The following PSD3 variants were observed in gnomAD, a reference collection of about 807,000 sequenced individuals.
PSD3 encodes the protein pleckstrin and Sec7 domain containing 3, also known as PH and SEC7 domain-containing protein 3.
In PSD3, 49 loss-of-function variants were observed where a neutral mutation model predicts 105.5. The observed-to-expected ratio is 0.46, with a 90% CI of 0.37 to 0.59. The LOEUF is 0.59. Ranked by LOEUF, PSD3 falls within the 20% of genes least tolerant of loss-of-function variation. The pLI is 0.00. For synonymous variants in PSD3, 557 were observed against 457.8 expected, an observed-to-expected ratio of 1.22 and a Z score of -2.77; for missense variants, 1,561 against 1,263.8, an observed-to-expected ratio of 1.24 and a Z score of -3.57.
At chr8:19,035,302 CTATT>C (rs1347390265) in intron 1 of PSD3, among the ~76,000 whole-genome samples, 5 of 152,104 alleles carry the variant, frequency 3.3e-5, no homozygotes, top group African/African-American at 1.2e-4. Context: ...CTGTGTATCT[CTATT>C]TACTGCCATG....
chr8:19,084,561 A>G (rs1338138025), exon 1 of PSD3: 2 of 379,598 alleles, frequency 5.3e-6, no homozygotes, highest in East Asian at 1.5e-4. Flanking sequence ...CCTCCATGCC[A>G]GGGGCTGTAG....
chr8:18,930,601 C>T (rs1258989093), intron 2 of PSD3, among the ~76,000 whole-genome samples: 5 of 145,310 alleles, frequency 3.4e-5, no homozygotes, highest in Admixed American at 7.0e-5. Context: ...GATGGAGTCT[C>T]GCTCTGTTGC....
intron 4 of PSD3, among the ~76,000 whole-genome samples, chr8:18,813,422 AACT>A (rs1811884957): frequency 6.6e-6 from 1 of 152,194 alleles, no homozygotes; most frequent in Non-Finnish European, 1.5e-5. Flanking sequence ...AGTAGATGTG[AACT>A]AGTCACCCTT....
chr8:18,573,902 C>T (rs1206331524), intron 13 of PSD3, among the ~76,000 whole-genome samples: 1 of 152,064 alleles, frequency 6.6e-6, no homozygotes, highest in East Asian at 1.9e-4. Context: ...CTAAAAAAAT[C>T]ACTGAAATGT....
intron 13 of PSD3, among the ~76,000 whole-genome samples, chr8:18,572,940 A>G (rs1039878429): frequency 6.6e-6 from 1 of 152,222 alleles, no homozygotes; most frequent in Non-Finnish European, 1.5e-5. Context: ...AATATTGATT[A>G]AACCCCTACT....
intron 8 of PSD3, among the ~76,000 whole-genome samples, chr8:18,782,655 G>A (rs1808753469): frequency 6.6e-6 from 1 of 152,220 alleles, no homozygotes; most frequent in Non-Finnish European, 1.5e-5. Flanking sequence ...CAAGTGGATT[G>A]TCTGTGTGCT....
rs76926176 is a variant in PSD3, at chr8:18,923,842, A to G, written c.130+12192T>C. ...CAAAGCTGATTTGATCCTACTCTCA[A>G]AAAAGTCAAATCCTGCTCCTCAGCT... On this transcript the variant is annotated intron_variant, in intron 2 of 15. Transcript: ENST00000327040. Among the ~76,000 whole-genome samples, 656 of 151,562 alleles carry G rather than the reference A, an allele frequency of 4.3e-3. 30 individuals carry two copies. In the East Asian group the frequency reaches 0.089, roughly 21 times the overall value.
intron 9 of PSD3, among the ~76,000 whole-genome samples, chr8:18,656,659 C>G (rs1808917553): frequency 6.6e-6 from 1 of 152,194 alleles, no homozygotes; most frequent in South Asian, 2.1e-4. Context: ...TCTCCCAGCT[C>G]TAGCATTACA....
intron 11 of PSD3, among the ~76,000 whole-genome samples, chr8:18,621,591 T>C (rs1393594946): frequency 1.3e-5 from 2 of 152,196 alleles, no homozygotes; most frequent in Non-Finnish European, 2.9e-5. Context: ...AAACAGCCAA[T>C]ATTCCATTAA....
rs377449153 is a variant in PSD3, at chr8:18,619,197, G to T, written c.2410+13416C>A. 2.7e-4 allele frequency among the ~76,000 whole-genome samples: 41 copies of T among 152,204 alleles called. 1 individual carries two copies. In the South Asian group the frequency reaches 7.1e-3, roughly 26 times the overall value. The stretch of plus-strand genomic sequence containing the variant: ...CCAAAAGAAACCTAAAAAACTGAAT[G>T]CCTGCCACGATGGGATGGAAGTTCA... On this transcript the variant is annotated intron_variant, in intron 11 of 15. Coordinates refer to ENST00000327040, the MANE Select transcript of PSD3 (RefSeq NM_015310.4).
intron 4 of PSD3, among the ~76,000 whole-genome samples, chr8:18,866,248 C>A (rs1266790841): frequency 6.6e-6 from 1 of 152,220 alleles, no homozygotes; most frequent in Non-Finnish European, 1.5e-5. Flanking sequence ...CTGAGGAGCA[C>A]CGCCTCACGG....
At chr8:18,970,776 G>A (rs1033684064) in intron 1 of PSD3, among the ~76,000 whole-genome samples, 2 of 152,044 alleles carry the variant, frequency 1.3e-5, no homozygotes, top group African/African-American at 4.8e-5. Flanking sequence ...CCAACATGGT[G>A]AAACCCTGTC....
chr8:18,546,806 C>T (rs1424883672), intron 15 of PSD3, among the ~76,000 whole-genome samples: 1 of 152,184 alleles, frequency 6.6e-6, no homozygotes, highest in East Asian at 1.9e-4. Flanking sequence ...CCCACCTCAA[C>T]CCCTGATGAC....
chr8:18,801,697 G>C (rs536942989), intron 6 of PSD3, among the ~76,000 whole-genome samples: 2 of 152,134 alleles, frequency 1.3e-5, no homozygotes, highest in African/African-American at 2.4e-5. Context: ...GGGCATGGTG[G>C]TGGGCGCCTG....
intron 15 of PSD3, among the ~76,000 whole-genome samples, chr8:18,551,493 GT>G (rs1800765188): frequency 1.3e-5 from 2 of 152,074 alleles, no homozygotes; most frequent in Admixed American, 1.3e-4. Context: ...TCAGAAAAAG[GT>G]GCATCATGCT....
Position 18,613,131 on chromosome 8 carries a change from C to T in PSD3, c.2411-12697G>A, listed in dbSNP as rs1436942704. On this transcript the variant is annotated intron_variant, in intron 11 of 15. Transcript: ENST00000327040. ...TTTTTTTCAGGAAAAATATAAACAC[C>T]AGTGATAGAGACAGGAGGCAGCCAA... Among the ~76,000 whole-genome samples, 4 of 152,032 alleles carry T rather than the reference C, an allele frequency of 2.6e-5. No homozygotes were observed. In the South Asian group the frequency reaches 8.3e-4, roughly 32 times the overall value.
intron 1 of PSD3, among the ~76,000 whole-genome samples, chr8:19,040,725 G>C (rs1828094016): frequency 6.6e-6 from 1 of 152,160 alleles, no homozygotes; most frequent in African/African-American, 2.4e-5. Flanking sequence ...GAATATATTG[G>C]TGCAAGTGAT....
chr8:19,029,223 C>T (rs1474551927), intron 1 of PSD3, among the ~76,000 whole-genome samples: 1 of 152,144 alleles, frequency 6.6e-6, no homozygotes, highest in African/African-American at 2.4e-5. Flanking sequence ...ATTGGGATGG[C>T]ACTGAATCTG....
In PSD3 at chr8:19,021,154, A is replaced by G. The variant is rs571542437; in HGVS notation, c.324+63052T>C. Among the ~76,000 whole-genome samples, 12 of 152,352 alleles carry G rather than the reference A, an allele frequency of 7.9e-5. No individual in the cohort carries two copies. In the East Asian group the frequency reaches 1.9e-3, roughly 24 times the overall value. Reference sequence around the variant, plus strand: ...GAGTAAGAACATGCAGAGGAATCTGAAACGAGCAGTCAGTGAAGTAGGAGG... The same window carrying G: ...GAGTAAGAACATGCAGAGGAATCTGGAACGAGCAGTCAGTGAAGTAGGAGG... On this transcript the variant is annotated intron_variant, in intron 1 of 1. Coordinates refer to the PSD3 transcript ENST00000521475.
Sources: gnomAD v4.1 joint callset for allele counts (sites outside exome capture counted in the v4.1 genomes callset) on GRCh38, gnomAD v4.1.1 for gene constraint, MANE v1.5 for transcripts, NCBI Gene and HGNC (gene_info 2026-07-23, HGNC 2026-07-21) for gene names.